The following IGF1R variants were observed in gnomAD, a reference collection of about 807,000 sequenced individuals.
The protein encoded by IGF1R is insulin like growth factor 1 receptor.
Under a neutral mutation model 144.6 loss-of-function variants are expected in IGF1R, and 44 were observed. The observed-to-expected ratio is 0.30, with a 90% CI of 0.24 to 0.39. IGF1R has a LOEUF of 0.39. Among genes scored for constraint, IGF1R ranks in the 10% least tolerant of loss-of-function variants. The pLI, the probability that IGF1R is intolerant of heterozygous loss-of-function variation, is 1.00. For synonymous variants in IGF1R, 795 were observed against 722.8 expected, an observed-to-expected ratio of 1.10 and a Z score of -1.60; for missense variants, 1,355 against 1,833.7, an observed-to-expected ratio of 0.74 and a Z score of 4.77.
chr15:98,661,482 G>T (rs1053125849), intron 1 of IGF1R, among the ~76,000 whole-genome samples: 1 of 152,238 alleles, frequency 6.6e-6, no homozygotes, highest in Non-Finnish European at 1.5e-5. Flanking sequence ...ATCATTTGAA[G>T]CTGGAATGTT....
At position 98,707,502 on chromosome 15, in the gene IGF1R, A is replaced by G; in HGVS notation, c.95-60A>G. ...GAAAACCAACTGTATTATTGTTTGGAAAATAGTTTAAAAATTATTTCCTTC... is the reference window on the plus strand; with the variant it reads ...GAAAACCAACTGTATTATTGTTTGGGAAATAGTTTAAAAATTATTTCCTTC... On this transcript the variant is annotated intron_variant, in intron 1 of 20. Coordinates refer to ENST00000650285, the MANE Select transcript of IGF1R (RefSeq NM_000875.5). The surrounding 1 kb of genome is among the most constrained non-coding windows in gnomAD (Gnocchi z 6.7). The G allele has an allele frequency of 6.0e-6, 9 of 1,507,490 alleles. No individual in the cohort carries two copies. Among genetic ancestry groups the G allele is most frequent in the Non-Finnish European group, 7.3e-6 (8 of 1,094,116 alleles). The allele number at this position is 1,507,490 out of a possible 1,614,324, so 93.4% of individuals were successfully genotyped here.
intron 2 of IGF1R, chr15:98,820,832 C>T (rs2056787955): frequency 6.6e-6 from 1 of 152,276 alleles, no homozygotes; most frequent in African/African-American, 2.4e-5. Flanking sequence ...GGCCTGAGTA[C>T]GTTTGAATTA....
At chr15:98,899,238 C>T (rs2014350617) in intron 4 of IGF1R, among the ~76,000 whole-genome samples, 1 of 152,220 alleles carries the variant, frequency 6.6e-6, no homozygotes, top group Admixed American at 6.5e-5. Context: ...TTGGGAGCTG[C>T]AGTACCCCCC....
chr15:98,687,284 T>C (rs1444981220), intron 1 of IGF1R, among the ~76,000 whole-genome samples: 1 of 152,154 alleles, frequency 6.6e-6, no homozygotes, highest in Non-Finnish European at 1.5e-5. Flanking sequence ...GTTGGGGTCC[T>C]GTGGCGGTGA....
chr15:98,735,135 G>T (rs529931102), intron 2 of IGF1R, among the ~76,000 whole-genome samples: 1 of 152,314 alleles, frequency 6.6e-6, no homozygotes, highest in African/African-American at 2.4e-5. Flanking sequence ...CATGTCTGGG[G>T]TTTTGCAGCC....
chr15:98,846,717 A>T (rs949240377), intron 2 of IGF1R, among the ~76,000 whole-genome samples: 2 of 152,206 alleles, frequency 1.3e-5, no homozygotes. Context: ...TGTTTCTCTT[A>T]TGCTGCCTTA....
chr15:98,877,489 CTT>C (rs5814908), intron 2 of IGF1R, among the ~76,000 whole-genome samples: 9,220 of 85,816 alleles, frequency 0.11, 417 homozygotes, highest in Non-Finnish European at 0.14. Flanking sequence ...CACTAGCAGC[CTT>C]TTTTTTTTTT....
At chr15:98,687,231 C>G (rs2141224697) in intron 1 of IGF1R, among the ~76,000 whole-genome samples, 1 of 152,308 alleles carries the variant, frequency 6.6e-6, no homozygotes, top group Admixed American at 6.5e-5. Context: ...GGATCACAGT[C>G]CAGTAGGTAA....
chr15:98,957,524 C>A lies in IGF1R; in HGVS notation c.*82C>A. 6.4e-7 allele frequency: 1 copy of A among 1,569,924 alleles called. No individual in the cohort carries two copies. Among genetic ancestry groups the A allele is most frequent in the East Asian group, 2.2e-5 (1 of 44,502 alleles). On this transcript the variant is annotated 3_prime_UTR_variant, in exon 21 of 21. Coordinates refer to ENST00000650285, the MANE Select transcript of IGF1R (RefSeq NM_000875.5). ...GGGGGGAGAGAGAGTTTTAACAATC[C>A]ATTCACAAGCCTCCTGTACCTCAGT...
In IGF1R at chr15:98,960,809, ACTT is replaced by A; in HGVS notation, c.*3370_*3372del. On this transcript the variant is annotated 3_prime_UTR_variant, in exon 21 of 21. Transcript: ENST00000650285. ...CCTCCCCCTCCAGGCTGCCCTCTCA[ACTT>A]CTCCCTCACCTCCTTCCCTAGGGGT... 4.3e-6 allele frequency: 1 copy of A among 233,712 alleles called. No individual in the cohort carries two copies. Among genetic ancestry groups the A allele is most frequent in the Non-Finnish European group, 8.5e-6 (1 of 118,164 alleles). The allele number at this position is 233,712 out of a possible 1,614,324, so 14.5% of individuals were successfully genotyped here.
At chr15:98,700,008 G>A (rs1471235086) in intron 1 of IGF1R, among the ~76,000 whole-genome samples, 1 of 152,192 alleles carries the variant, frequency 6.6e-6, no homozygotes, top group African/African-American at 2.4e-5. Flanking sequence ...TGATTGACAC[G>A]TGAAGATAAA....
At chr15:98,664,708 A>AG (rs1360383660) in intron 1 of IGF1R, among the ~76,000 whole-genome samples, 1 of 150,792 alleles carries the variant, frequency 6.6e-6, no homozygotes, top group African/African-American at 2.5e-5. Context: ...AAAAAAAAAA[A>AG]GTGTCACCCA....
chr15:98,669,806 T>A (rs1245512893), intron 1 of IGF1R, among the ~76,000 whole-genome samples: 1 of 152,180 alleles, frequency 6.6e-6, no homozygotes, highest in African/African-American at 2.4e-5. Flanking sequence ...GCTGTCTGCC[T>A]GGCAAGGGGG....
At chr15:98,770,565 A>C (rs1409085610) in intron 2 of IGF1R, among the ~76,000 whole-genome samples, 1 of 152,236 alleles carries the variant, frequency 6.6e-6, no homozygotes, top group African/African-American at 2.4e-5. Context: ...ATATCATATT[A>C]ACCCCATAAA....
chr15:98,875,502 G>A (rs1173517067), intron 2 of IGF1R, among the ~76,000 whole-genome samples: 9 of 151,620 alleles, frequency 5.9e-5, no homozygotes, highest in South Asian at 2.1e-4. Flanking sequence ...ACACATTCTC[G>A]TGTCTGCAAA....
At position 98,959,276 on chromosome 15, in the gene IGF1R, A is replaced by G. The variant is rs1197134172; in HGVS notation, c.*1834A>G. 8.6e-6 allele frequency: 2 copies of G among 233,518 alleles called. No homozygotes were observed. The highest frequency in any genetic ancestry group is 1.1e-4 in the Admixed American group (2 of 17,796). 14.5% of individuals were successfully genotyped at this position (233,518 alleles called of 1,614,324 possible). On this transcript the variant is annotated 3_prime_UTR_variant, in exon 21 of 21. Coordinates refer to ENST00000650285, the MANE Select transcript of IGF1R (RefSeq NM_000875.5). ...AGGCATTTGGATTACTATTTTTCTT[A>G]ATGGCTATTTAATCCTTCCATCCCA...
intron 2 of IGF1R, among the ~76,000 whole-genome samples, chr15:98,780,547 C>T (rs2055832495): frequency 4.2e-5 from 1 of 23,682 alleles, no homozygotes. Context: ...GAAACTCTGT[C>T]TCAAAAAAAA....
At chr15:98,777,503 G>A (rs2055748676) in intron 2 of IGF1R, among the ~76,000 whole-genome samples, 3 of 152,336 alleles carry the variant, frequency 2.0e-5, no homozygotes, top group South Asian at 2.1e-4. Flanking sequence ...GTCTCTAGAC[G>A]TCTAAAGAAG....
rs73465715 is a variant in IGF1R at position 98,929,176 on chromosome 15, C to T, written c.2783-382C>T. Among the ~76,000 whole-genome samples the T allele has an allele frequency of 2.7e-3, 414 of 152,024 alleles. 3 individuals carry two copies. Among genetic ancestry groups the T allele is most frequent in the African/African-American group, 9.6e-3 (400 of 41,470 alleles). The stretch of plus-strand genomic sequence containing the variant: ...GTATGGCAGATGCTAGGCTGGGTAC[C>T]GGGGACATGGACCAAACCCTGGAAC... On this transcript the variant is annotated intron_variant, in intron 13 of 20. Coordinates refer to ENST00000650285, the MANE Select transcript of IGF1R (RefSeq NM_000875.5).
Sources: allele counts gnomAD v4.1 joint callset (sites outside exome capture counted in the v4.1 genomes callset), GRCh38; gene constraint gnomAD v4.1.1; non-coding constraint Gnocchi (gnomAD v3.1); transcripts MANE v1.5; gene names NCBI Gene and HGNC (gene_info 2026-07-23, HGNC 2026-07-21).